LINGO2: variants seen among roughly 807,000 people sequenced by gnomAD.
The protein encoded by LINGO2 is leucine rich repeat and Ig domain containing 2.
LINGO2 carries 14 observed loss-of-function variants against 30.6 expected under a neutral mutation model. The ratio of observed to expected loss-of-function variants is 0.46; its 90% CI spans 0.30 to 0.72. The LOEUF (loss-of-function observed/expected upper bound fraction) is 0.72. Among genes scored for constraint, LINGO2 ranks in the 30% least tolerant of loss-of-function variants. The pLI is 0.07. For synonymous variants in LINGO2, 317 were observed against 288.5 expected (o/e 1.10, Z -1.00); for missense variants, 729 against 751.7 (o/e 0.97, Z 0.35).
chr9:28,221,910 A>G (rs956362843), intron 4 of LINGO2, among the ~76,000 whole-genome samples: 3 of 152,192 alleles, frequency 2.0e-5, no homozygotes, highest in African/African-American at 7.2e-5. Flanking sequence ...TATTTTAGCT[A>G]AAGCACTTCC....
At chr9:28,729,427 A>G in the LINGO2 span, among the ~76,000 whole-genome samples, 1 of 152,146 alleles carries the variant, frequency 6.6e-6, no homozygotes. Flanking sequence ...AGAGGAAAAA[A>G]ATCTCAGGGG....
chr9:28,162,688 A>G (rs1306681046), intron 4 of LINGO2, among the ~76,000 whole-genome samples: 1 of 152,156 alleles, frequency 6.6e-6, no homozygotes, highest in Non-Finnish European at 1.5e-5. Context: ...TTATTTGTAT[A>G]TCCTTGTGTA....
At chr9:29,035,855 G>A in the LINGO2 span, among the ~76,000 whole-genome samples, 58 of 152,050 alleles carry the variant, frequency 3.8e-4, no homozygotes, top group Middle Eastern at 0.02. Context: ...TGGAAACACA[G>A]AGACAGGTAA....
At chr9:28,769,504 ATATATATATATATATTTTTTTTTTTT>A in the LINGO2 span, among the ~76,000 whole-genome samples, 26 of 3,366 alleles carry the variant, frequency 7.7e-3, 3 homozygotes, top group South Asian at 0.014. Context: ...ATATATATAT[ATATATATATATATATTTTTTTTTTTT>A]TTTTTTTTTT....
At chr9:28,255,134 A>G (rs1192640310) in intron 4 of LINGO2, among the ~76,000 whole-genome samples, 6 of 152,042 alleles carry the variant, frequency 3.9e-5, no homozygotes, top group Non-Finnish European at 8.8e-5. Context: ...TACAGTCTCA[A>G]GGAAATTATG....
intron 1 of LINGO2, among the ~76,000 whole-genome samples, chr9:28,546,768 T>G (rs1387459106): frequency 6.6e-6 from 1 of 152,048 alleles, no homozygotes; most frequent in Non-Finnish European, 1.5e-5. Flanking sequence ...GACACCCTTC[T>G]GAGACCCTTC....
the LINGO2 span, among the ~76,000 whole-genome samples, chr9:29,180,059 G>T: frequency 6.6e-6 from 1 of 152,196 alleles, no homozygotes; most frequent in Admixed American, 6.5e-5. Flanking sequence ...AGGTAGATAG[G>T]AGGAAGGCAG....
chr9:28,454,620 A>G (rs2135089519), intron 2 of LINGO2, among the ~76,000 whole-genome samples: 1 of 152,098 alleles, frequency 6.6e-6, no homozygotes, highest in East Asian at 1.9e-4. Context: ...TATATTCTGT[A>G]CTGTATAAGT....
rs137863579 is a variant in LINGO2, at chr9:28,140,476, C to G, written c.-86-128071G>C. ...CTTATTTCTTCAAGTGCACACACAT[C>G]ATTTAAACCTAATTTCCTACCATTT... On this transcript the variant is annotated intron_variant, in intron 4 of 5. Coordinates refer to ENST00000379992, the Ensembl canonical transcript of LINGO2. Among the ~76,000 whole-genome samples the G allele has an allele frequency of 1.8e-3, 279 of 152,318 alleles. 4 individuals are homozygous for G. The South Asian group carries it at 0.038, about 21-fold the overall frequency.
At chr9:28,981,105 A>G in the LINGO2 span, among the ~76,000 whole-genome samples, 4 of 152,086 alleles carry the variant, frequency 2.6e-5, no homozygotes, top group Non-Finnish European at 5.9e-5. Flanking sequence ...GAACTAAAGG[A>G]GATATTATTT....
chr9:28,494,389 C>T (rs1819506457), intron 1 of LINGO2, among the ~76,000 whole-genome samples: 2 of 152,164 alleles, frequency 1.3e-5, no homozygotes, highest in African/African-American at 4.8e-5. Context: ...CACTACAGGC[C>T]TCAGTATGTG....
At chr9:29,061,911 T>A in the LINGO2 span, among the ~76,000 whole-genome samples, 8 of 152,014 alleles carry the variant, frequency 5.3e-5, no homozygotes, top group Non-Finnish European at 1.0e-4. Flanking sequence ...GAGAAAATAT[T>A]TGCAAGTCAC....
chr9:28,359,601 T>A (rs1820363355), intron 3 of LINGO2, among the ~76,000 whole-genome samples: 1 of 152,128 alleles, frequency 6.6e-6, no homozygotes, highest in African/African-American at 2.4e-5. Context: ...AGAATGCAAA[T>A]ATATTTATGA....
intron 1 of LINGO2, among the ~76,000 whole-genome samples, chr9:28,642,063 A>ATG (rs35732736): frequency 0.26 from 39,093 of 149,214 alleles, 5,481 homozygotes; most frequent in African/African-American, 0.37. Context: ...AATGTTATAT[A>ATG]TGTGTGTGTG....
intron 2 of LINGO2, among the ~76,000 whole-genome samples, chr9:28,427,233 A>C (rs1543673): frequency 0.46 from 70,573 of 151,882 alleles, 16,660 homozygotes; most frequent in Admixed American, 0.51. Context: ...GTTGAAAAAC[A>C]CATTAAGAGC....
chr9:28,955,694 G>T, the LINGO2 span, among the ~76,000 whole-genome samples: 1 of 152,210 alleles, frequency 6.6e-6, no homozygotes, highest in South Asian at 2.1e-4. Flanking sequence ...ATCTTCAGGA[G>T]AACTAAACAT....
chr9:28,242,127 A>G (rs942264500), intron 4 of LINGO2, among the ~76,000 whole-genome samples: 1 of 152,200 alleles, frequency 6.6e-6, no homozygotes, highest in African/African-American at 2.4e-5. Flanking sequence ...GATGAGATGG[A>G]CAAATTGACA....
At chr9:29,012,186 C>G in the LINGO2 span, among the ~76,000 whole-genome samples, 1 of 151,986 alleles carries the variant, frequency 6.6e-6, no homozygotes. Flanking sequence ...GCTGAAACCA[C>G]GTCTCTACTA....
chr9:28,163,595 C>A (rs2133610929), intron 4 of LINGO2, among the ~76,000 whole-genome samples: 1 of 152,178 alleles, frequency 6.6e-6, no homozygotes, highest in South Asian at 2.1e-4. Flanking sequence ...CCATATGCTG[C>A]TCCTTTCAAT....
Sources: allele counts gnomAD v4.1 joint callset (sites outside exome capture counted in the v4.1 genomes callset), GRCh38; gene constraint gnomAD v4.1.1; transcripts MANE v1.5; gene names NCBI Gene and HGNC (gene_info 2026-07-23, HGNC 2026-07-21).